AHCYL2: variants seen among roughly 807,000 people sequenced by gnomAD.
AHCYL2 encodes the protein S-adenosylhomocysteine hydrolase-like protein 2.
A neutral mutation model predicts 81.4 loss-of-function variants in AHCYL2; 28 were observed. That is an observed-to-expected ratio of 0.34 (90% CI 0.25 to 0.47). AHCYL2 has a LOEUF of 0.47. Ranked by LOEUF, AHCYL2 falls within the 20% of genes least tolerant of loss-of-function variation. The probability of loss-of-function intolerance (pLI) is 1.00; values close to 1 mark genes in which losing one functional copy is unlikely to be tolerated. For synonymous variants in AHCYL2, 272 were observed against 290.2 expected, an observed-to-expected ratio of 0.94 and a Z score of 0.64; for missense variants, 551 against 785.1, an observed-to-expected ratio of 0.70 and a Z score of 3.56.
At chr7:129,279,489 T>C (rs1468124493) in intron 1 of AHCYL2, among the ~76,000 whole-genome samples, 1 of 152,222 alleles carries the variant, frequency 6.6e-6, no homozygotes, top group Non-Finnish European at 1.5e-5. Flanking sequence ...TGTTTCATGT[T>C]TTTGTTATTA....
intron 1 of AHCYL2, among the ~76,000 whole-genome samples, chr7:129,249,473 C>T (rs928985155): frequency 3.3e-5 from 5 of 151,632 alleles, no homozygotes; most frequent in African/African-American, 9.7e-5. Context: ...GGCCGGACTG[C>T]GGACTGCAGT....
chr7:129,328,849 T>C (rs1455102223), intron 1 of AHCYL2, among the ~76,000 whole-genome samples: 1 of 152,220 alleles, frequency 6.6e-6, no homozygotes, highest in African/African-American at 2.4e-5. Flanking sequence ...ATGACATCCC[T>C]AATCAGTATT....
At chr7:129,321,040 A>G (rs1178248399) in intron 1 of AHCYL2, among the ~76,000 whole-genome samples, 1 of 152,226 alleles carries the variant, frequency 6.6e-6, no homozygotes, top group East Asian at 1.9e-4. Context: ...CTTGAATCCT[A>G]CAACCAAGCT....
intron 1 of AHCYL2, among the ~76,000 whole-genome samples, chr7:129,247,406 T>C (rs1307111414): frequency 6.6e-6 from 1 of 152,224 alleles, no homozygotes; most frequent in East Asian, 1.9e-4. Context: ...CATTTTTAAT[T>C]GGGTTGTTTT....
Position 129,426,925 on chromosome 7 carries a change from T to C in AHCYL2, c.1830-114T>C, listed in dbSNP as rs898397341. On this transcript the variant is annotated intron_variant, in intron 16 of 16. Coordinates refer to ENST00000325006, the MANE Select transcript of AHCYL2 (RefSeq NM_015328.4). The surrounding 1 kb of genome is among the most constrained non-coding windows in gnomAD (Gnocchi z 4.3). ...AGGAAACACAGTTATTTCCTGTCAC[T>C]GTACACTCCAGAAAAGTCTCTGCCT... is the stretch of plus-strand genomic sequence containing the variant. 9.7e-7 allele frequency: 1 copy of C among 1,033,946 alleles called. No homozygotes were observed. Among genetic ancestry groups the C allele is most frequent in the South Asian group, 1.4e-5 (1 of 69,458 alleles). The allele number at this position is 1,033,946 out of a possible 1,614,324, so 64.0% of individuals were successfully genotyped here.
In AHCYL2 at chr7:129,397,464, GCT is replaced by G. The variant is rs1368990224; in HGVS notation, c.823+143_823+144del. The G allele has an allele frequency of 3.3e-6, 3 of 914,694 alleles. No individual in the cohort carries two copies. The African/African-American group carries it at 5.1e-5, about 16-fold the overall frequency. The allele number at this position is 914,694 out of a possible 1,614,324, so 56.7% of individuals were successfully genotyped here. On this transcript the variant is annotated intron_variant, in intron 5 of 16. Coordinates refer to ENST00000325006, the MANE Select transcript of AHCYL2 (RefSeq NM_015328.4). ...ATGGATCTCGATTCTTCATGAATTT[GCT>G]CTTTTTCTGGCCTTCGCTTGTCAAA...
chr7:129,269,557 GA>G (rs1795933177), intron 1 of AHCYL2, among the ~76,000 whole-genome samples: 1 of 151,014 alleles, frequency 6.6e-6, no homozygotes, highest in East Asian at 2.0e-4. Context: ...AAAGTGTTGG[GA>G]TTATAGGCGG....
chr7:129,311,388 C>T (rs565847184), intron 1 of AHCYL2, among the ~76,000 whole-genome samples: 2 of 152,266 alleles, frequency 1.3e-5, no homozygotes, highest in South Asian at 2.1e-4. Context: ...CGTACCTATT[C>T]CTGTGGTTTT....
intron 1 of AHCYL2, among the ~76,000 whole-genome samples, chr7:129,370,991 T>C (rs1794382143): frequency 6.6e-6 from 1 of 152,214 alleles, no homozygotes; most frequent in Admixed American, 6.5e-5. Context: ...ATTAGGTTGC[T>C]ACTGATAGCC....
intron 1 of AHCYL2, among the ~76,000 whole-genome samples, chr7:129,275,562 G>A (rs1201836582): frequency 6.6e-6 from 1 of 152,128 alleles, no homozygotes; most frequent in African/African-American, 2.4e-5. Context: ...AGCTGGCATA[G>A]CAGGTTAATA....
intron 1 of AHCYL2, among the ~76,000 whole-genome samples, chr7:129,297,227 T>C (rs1797079737): frequency 6.6e-6 from 1 of 152,294 alleles, no homozygotes; most frequent in Non-Finnish European, 1.5e-5. Flanking sequence ...TACAAATTTT[T>C]TGTAGTGCTA....
Position 129,397,100 on chromosome 7 carries a change from T to C in AHCYL2, c.721-122T>C, listed in dbSNP as rs182556216. The C allele has an allele frequency of 3.4e-5, 27 of 802,794 alleles. No homozygotes were observed. In the East Asian group the frequency reaches 7.0e-4, roughly 21 times the overall value. 49.7% of individuals were successfully genotyped at this position (802,794 alleles called of 1,614,324 possible). Reference sequence around the variant, plus strand: ...CTGAAGAGGTTCTGTAGAGCCCAATTTGAAAATCACTGGCTTAAGTCATTC... The same window carrying C: ...CTGAAGAGGTTCTGTAGAGCCCAATCTGAAAATCACTGGCTTAAGTCATTC... On this transcript the variant is annotated intron_variant, in intron 4 of 16. Transcript: ENST00000325006.
chr7:129,348,037 A>C (rs939698600), intron 1 of AHCYL2, among the ~76,000 whole-genome samples: 1 of 152,206 alleles, frequency 6.6e-6, no homozygotes, highest in African/African-American at 2.4e-5. Context: ...TGGATTAAAG[A>C]TACATCTGGA....
intron 1 of AHCYL2, among the ~76,000 whole-genome samples, chr7:129,349,468 CAAA>C (rs56205996): frequency 3.0e-4 from 30 of 98,474 alleles, no homozygotes; most frequent in South Asian, 1.2e-3. Context: ...CCATCTCTAC[CAAA>C]AAAAAAAAAA....
chr7:129,288,463 C>T (rs1796718232), intron 1 of AHCYL2, among the ~76,000 whole-genome samples: 1 of 151,802 alleles, frequency 6.6e-6, no homozygotes, highest in Admixed American at 6.6e-5. Context: ...TGGGTTCAAG[C>T]GATTCTCCTC....
At chr7:129,380,963 A>G (rs1794928454) in intron 2 of AHCYL2, among the ~76,000 whole-genome samples, 1 of 152,092 alleles carries the variant, frequency 6.6e-6, no homozygotes, top group Non-Finnish European at 1.5e-5. Context: ...CTGGTCTTGA[A>G]CTTCTGAGCT....
intron 1 of AHCYL2, among the ~76,000 whole-genome samples, chr7:129,303,322 C>T (rs1439638517): frequency 1.3e-5 from 2 of 152,140 alleles, no homozygotes; most frequent in Non-Finnish European, 2.9e-5. Context: ...TTAACTTTGA[C>T]TTTGATCTTG....
At chr7:129,409,339 G>A (rs769703600) in intron 10 of AHCYL2, 137 bp from the exon 11 acceptor site, 2 of 596,112 alleles carry the variant, frequency 3.4e-6, no homozygotes, top group Non-Finnish European at 2.9e-6. Context: ...TAAGGAAATT[G>A]TTTGGATTTT....
At chr7:129,273,939 A>G (rs757377064) in intron 1 of AHCYL2, among the ~76,000 whole-genome samples, 76 of 152,236 alleles carry the variant, frequency 5.0e-4, no homozygotes, top group Admixed American at 3.3e-4. Flanking sequence ...CCAATCATCT[A>G]TAGGCAGGAA....
Sources: gnomAD v4.1 joint callset for allele counts (sites outside exome capture counted in the v4.1 genomes callset) on GRCh38, gnomAD v4.1.1 for gene constraint, Gnocchi (gnomAD v3.1) non-coding constraint, MANE v1.5 for transcripts, NCBI Gene and HGNC (gene_info 2026-07-23, HGNC 2026-07-21) for gene names.